The following ATRNL1 variants were observed in gnomAD, a reference collection of about 807,000 sequenced individuals.
ATRNL1 encodes attractin like 1.
ATRNL1 carries 95 observed loss-of-function variants against 182.7 expected under a neutral mutation model. The observed-to-expected ratio is 0.52, with a 90% CI of 0.44 to 0.62. The LOEUF is 0.62. Among genes scored for constraint, ATRNL1 ranks in the 20% least tolerant of loss-of-function variants. The probability of loss-of-function intolerance (pLI) is 0.00; values close to 1 mark genes in which losing one functional copy is unlikely to be tolerated. For missense variants in ATRNL1, 1,471 were observed against 1,679.5 expected, an observed-to-expected ratio of 0.88 and a Z score of 2.17; for synonymous variants, 576 against 568.3, an observed-to-expected ratio of 1.01 and a Z score of -0.19.
chr10:115,530,629 TTTATTA>T (rs1164681076), intron 25 of ATRNL1, among the ~76,000 whole-genome samples: 1 of 151,794 alleles, frequency 6.6e-6, no homozygotes, highest in Non-Finnish European at 1.5e-5. Flanking sequence ...AATAAGACTT[TTTATTA>T]TTATTATTAT....
intron 28 of ATRNL1, among the ~76,000 whole-genome samples, chr10:115,851,721 G>A: frequency 6.6e-6 from 1 of 152,146 alleles, no homozygotes; most frequent in East Asian, 1.9e-4. Context: ...CAGTAAACCT[G>A]CTGCTTCATT....
rs1853990650 is a variant in ATRNL1, at chr10:115,565,002, C to A, written c.3795+15466C>A. On this transcript the variant is annotated intron_variant, in intron 26 of 28. Transcript: ENST00000355044. ...ATTTTCATTATAGTCACATTTTGAA[C>A]ACTTTATATCTTTATTTCTCTTTAC... Among the ~76,000 whole-genome samples, 3 of 152,064 alleles carry A rather than the reference C, an allele frequency of 2.0e-5. No homozygotes were observed. In the South Asian group the frequency reaches 6.2e-4, roughly 31 times the overall value.
At chr10:115,121,916 A>G in intron 3 of ATRNL1, 104 bp downstream of exon 3, 1 of 518,524 alleles carries the variant, frequency 1.9e-6, no homozygotes, top group Middle Eastern at 4.7e-4. Context: ...AGATATTGAT[A>G]GTTACATTTC....
rs182547053 is a variant in ATRNL1 at position 115,291,967 on chromosome 10, C to G, written c.2415+5570C>G. 9.1e-5 allele frequency among the ~76,000 whole-genome samples: 13 copies of G among 143,274 alleles called. No individual in the cohort carries two copies. In the East Asian group the frequency reaches 2.6e-3, roughly 29 times the overall value. The allele number at this position is 143,274 out of a possible 152,430, so 94.0% of individuals were successfully genotyped here. A position where few individuals can be genotyped will look rare whatever the true frequency, so the allele number is the denominator to read the frequency against. On this transcript the variant is annotated intron_variant, in intron 15 of 28. Transcript: ENST00000355044. ...TATTTTTGAAAGGTTTGGTAGAATTCAGCAGTGAAGCCATCTGGTCCTGGA... is the reference window on the plus strand; with the variant it reads ...TATTTTTGAAAGGTTTGGTAGAATTGAGCAGTGAAGCCATCTGGTCCTGGA...
chr10:115,198,076 A>G (rs988962152), intron 8 of ATRNL1, among the ~76,000 whole-genome samples: 1 of 152,054 alleles, frequency 6.6e-6, no homozygotes, highest in Admixed American at 6.6e-5. Context: ...TCTACTTTTA[A>G]TTTTTAGGAG....
At chr10:115,376,514 A>G (rs1185350217) in intron 19 of ATRNL1, among the ~76,000 whole-genome samples, 2 of 152,028 alleles carry the variant, frequency 1.3e-5, no homozygotes, top group African/African-American at 2.4e-5. Context: ...GCATGCTACC[A>G]CATCCAGTTA....
At chr10:115,872,977 G>T (rs1307609705) in intron 28 of ATRNL1, among the ~76,000 whole-genome samples, 5 of 152,206 alleles carry the variant, frequency 3.3e-5, no homozygotes, top group African/African-American at 1.2e-4. Context: ...ACTATTTATT[G>T]AGCATTTAAG....
At chr10:115,420,778 T>G (rs1043759314) in intron 20 of ATRNL1, among the ~76,000 whole-genome samples, 5 of 151,462 alleles carry the variant, frequency 3.3e-5, no homozygotes, top group African/African-American at 1.2e-4. Context: ...GTTTTTGAAA[T>G]AAGAAACGAA....
At chr10:115,561,940 C>T (rs566287128) in intron 26 of ATRNL1, among the ~76,000 whole-genome samples, 14 of 152,066 alleles carry the variant, frequency 9.2e-5, no homozygotes, top group South Asian at 2.1e-4. Context: ...ATATTTAAAA[C>T]TGACACTTTG....
At chr10:115,619,391 C>T (rs1555021912) in intron 26 of ATRNL1, among the ~76,000 whole-genome samples, 1 of 152,158 alleles carries the variant, frequency 6.6e-6, no homozygotes, top group East Asian at 1.9e-4. Context: ...CATAGCAGTT[C>T]CACCAGTGAA....
chr10:115,361,570 C>T (rs115596738), intron 19 of ATRNL1, among the ~76,000 whole-genome samples: 2 of 151,996 alleles, frequency 1.3e-5, no homozygotes, highest in Non-Finnish European at 2.9e-5. Context: ...ACAACCTCAC[C>T]TACATCAATA....
chr10:115,505,456 T>A (rs1326419670), intron 24 of ATRNL1, among the ~76,000 whole-genome samples: 1 of 152,136 alleles, frequency 6.6e-6, no homozygotes, highest in Non-Finnish European at 1.5e-5. Flanking sequence ...ATTTAAGAGC[T>A]GAGACAAACT....
chr10:115,490,353 C>G (rs782494243), intron 24 of ATRNL1, among the ~76,000 whole-genome samples: 4 of 152,158 alleles, frequency 2.6e-5, no homozygotes, highest in Non-Finnish European at 5.9e-5. Context: ...TTGTCACTTT[C>G]TGCTATACCA....
chr10:115,602,203 A>T (rs1409454153), intron 26 of ATRNL1, among the ~76,000 whole-genome samples: 1 of 151,986 alleles, frequency 6.6e-6, no homozygotes, highest in Admixed American at 6.5e-5. Context: ...CAGATGCAAA[A>T]ATTAGCTGGG....
chr10:115,944,074 C>G (rs1953808979), intron 28 of ATRNL1, among the ~76,000 whole-genome samples: 1 of 151,672 alleles, frequency 6.6e-6, no homozygotes, highest in Admixed American at 6.6e-5. Context: ...TATTTTAGGG[C>G]AGTGAAACTA....
chr10:115,679,391 T>G (rs1365907789), intron 26 of ATRNL1, among the ~76,000 whole-genome samples: 2 of 152,048 alleles, frequency 1.3e-5, no homozygotes, highest in Non-Finnish European at 2.9e-5. Flanking sequence ...GGGCTTCTTA[T>G]CTGTTTGATT....
intron 28 of ATRNL1, among the ~76,000 whole-genome samples, chr10:115,875,830 A>G (rs1334569538): frequency 3.9e-5 from 6 of 152,190 alleles, no homozygotes; most frequent in Admixed American, 2.0e-4. Flanking sequence ...AAAGGGAAAT[A>G]TAGAGTGGCA....
Position 115,467,174 on chromosome 10 carries a change from T to C in ATRNL1, c.3418T>C (p.Ser1140Pro), listed in dbSNP as rs2134554416. The C allele has an allele frequency of 1.3e-6, 2 of 1,598,666 alleles. No homozygotes were observed. Among genetic ancestry groups the C allele is most frequent in the South Asian group, 2.2e-5 (2 of 90,008 alleles). The change falls in exon 23 of 29, where the codon TCG (serine) becomes CCG (proline). Residue 1140 changes from serine (S) to proline (P), a missense_variant and splice_region_variant. Physicochemically the swap from Ser to Pro is moderately conservative, Grantham distance 74 (BLOSUM62 -1). Transcript: ENST00000355044. ...ACCTTAATATTTTCTTTTCTGGTAGTCGAACAAAAATCTGGATATATCAAT... is the reference window on the plus strand; with the variant it reads ...ACCTTAATATTTTCTTTTCTGGTAGCCGAACAAAAATCTGGATATATCAAT... ...AINFIANPEQ[S>P]NKNLDISINA...
intron 26 of ATRNL1, among the ~76,000 whole-genome samples, chr10:115,667,620 G>A (rs1273743399): frequency 6.6e-6 from 1 of 151,534 alleles, no homozygotes; most frequent in Non-Finnish European, 1.5e-5. Flanking sequence ...AACTGGTCCA[G>A]CATTACATCC....
Sources: allele counts gnomAD v4.1 joint callset (sites outside exome capture counted in the v4.1 genomes callset), GRCh38; gene constraint gnomAD v4.1.1; transcripts MANE v1.5; gene names NCBI Gene and HGNC (gene_info 2026-07-23, HGNC 2026-07-21).